URI1: variants seen among roughly 807,000 people sequenced by gnomAD.
URI1 encodes the protein unconventional prefoldin RPB5 interactor 1.
URI1 carries 39 observed loss-of-function variants against 60.2 expected under a neutral mutation model. That is an observed-to-expected ratio of 0.65 (90% CI 0.50 to 0.85). URI1 has a LOEUF of 0.85. Ranked by LOEUF, URI1 falls within the 40% of genes least tolerant of loss-of-function variation. URI1 has a pLI of 0.00. For synonymous variants in URI1, 251 were observed against 236.8 expected, an observed-to-expected ratio of 1.06 and a Z score of -0.55; for missense variants, 691 against 665.9, an observed-to-expected ratio of 1.04 and a Z score of -0.42.
chr19:29,933,079 T>G (rs548405724), intron 1 of URI1, among the ~76,000 whole-genome samples: 2 of 152,374 alleles, frequency 1.3e-5, no homozygotes, highest in African/African-American at 4.8e-5. Context: ...ATTTTTGTGT[T>G]TATGTTCATA....
chr19:29,946,022 G>C (rs748471070), intron 1 of URI1, among the ~76,000 whole-genome samples: 1 of 152,060 alleles, frequency 6.6e-6, no homozygotes, highest in Non-Finnish European at 1.5e-5. Flanking sequence ...CTTCAGAGCT[G>C]ATATATATAA....
intron 2 of URI1, among the ~76,000 whole-genome samples, chr19:29,973,808 T>C (rs2145334075): frequency 6.6e-6 from 1 of 152,278 alleles, no homozygotes; most frequent in South Asian, 2.1e-4. Flanking sequence ...TTCAAGCCTA[T>C]TGGATGAGAA....
intron 2 of URI1, among the ~76,000 whole-genome samples, chr19:29,974,720 T>A (rs1290212988): frequency 6.6e-6 from 1 of 152,188 alleles, no homozygotes; most frequent in East Asian, 1.9e-4. Flanking sequence ...AGGCAGTTAT[T>A]CAGCCCTTGC....
chr19:29,986,217 T>C, intron 3 of URI1, 65 bp from the exon 4 acceptor site: 1 of 1,441,680 alleles, frequency 6.9e-7, no homozygotes, highest in Non-Finnish European at 9.2e-7. Flanking sequence ...ATGCGAAGTG[T>C]TTTATAAAAT....
At chr19:29,933,245 C>T (rs2112390) in intron 1 of URI1, among the ~76,000 whole-genome samples, 121,332 of 152,134 alleles carry the variant, frequency 0.8, 50,025 homozygotes, top group Non-Finnish European at 0.9. Context: ...ACAATCTGTT[C>T]CTGCGCTTTT....
intron 3 of URI1, 116 bp downstream of exon 3, chr19:29,985,417 GGAA>G: frequency 1.3e-6 from 1 of 755,168 alleles, no homozygotes; most frequent in South Asian, 2.7e-5. Flanking sequence ...TATGTAGCAA[GGAA>G]GATTTGTTTT....
At chr19:29,961,115 C>T (rs1292727852) in intron 1 of URI1, among the ~76,000 whole-genome samples, 1 of 152,008 alleles carries the variant, frequency 6.6e-6, no homozygotes, top group Non-Finnish European at 1.5e-5. Context: ...CCTGCCTTGG[C>T]CTCTCAAAGT....
intron 1 of URI1, among the ~76,000 whole-genome samples, chr19:29,926,580 C>T (rs1253728492): frequency 6.6e-6 from 1 of 152,196 alleles, no homozygotes; most frequent in African/African-American, 2.4e-5. Flanking sequence ...CCTCACCCAG[C>T]CTTAGAAATG....
chr19:29,942,184 C>T, upstream of URI1: 1 of 978,306 alleles, frequency 1.0e-6, no homozygotes, highest in Non-Finnish European at 1.2e-6. Flanking sequence ...GCGAGCTGGG[C>T]GTGTCGGGGG....
intron 2 of URI1, among the ~76,000 whole-genome samples, chr19:29,981,094 CTTTT>C (rs35058414): frequency 1.4e-5 from 2 of 145,130 alleles, no homozygotes; most frequent in Admixed American, 1.4e-4. Context: ...AGGATGTAGA[CTTTT>C]TTTTTTTAAT....
chr19:29,956,870 T>A, intron 1 of URI1: 1 of 1,494,408 alleles, frequency 6.7e-7, no homozygotes, highest in Non-Finnish European at 9.3e-7. Context: ...TACGTTGATG[T>A]GATTGAAGTC....
intron 2 of URI1, among the ~76,000 whole-genome samples, chr19:29,979,102 A>G (rs2055561004): frequency 6.6e-6 from 1 of 152,202 alleles, no homozygotes; most frequent in Non-Finnish European, 1.5e-5. Flanking sequence ...CTTTAGAAAG[A>G]AAATATAGAA....
At chr19:29,994,676 C>G (rs1568437443) in intron 4 of URI1, among the ~76,000 whole-genome samples, 2 of 151,896 alleles carry the variant, frequency 1.3e-5, no homozygotes. Context: ...GTGAATAGTG[C>G]TGCTATGAAT....
rs148342810 is a variant in URI1, at chr19:30,005,690, T to A, written c.499T>A (p.Cys167Ser). The part of the protein sequence containing the change: ...DIVDIREEIK[C>S]DFEFKAKHRI... ...TGTTGACATACGAGAAGAAATTAAA[T>A]GTGACTTCGAATTTAAAGGTAAGCA... The change falls in exon 6 of 11, where the codon TGT becomes AGT. Residue 167 changes from cysteine to serine, a missense_variant. Coordinates refer to ENST00000392271, the MANE Select transcript of URI1 (RefSeq NM_003796.3). 1.2e-6 allele frequency: 2 copies of A among 1,612,046 alleles called. No individual in the cohort carries two copies. The highest frequency in any genetic ancestry group is 1.7e-5 in the Admixed American group (1 of 59,730).
intron 6 of URI1, among the ~76,000 whole-genome samples, chr19:30,006,046 A>C (rs1339223060): frequency 1.3e-5 from 2 of 152,088 alleles, no homozygotes; most frequent in African/African-American, 2.4e-5. Context: ...GTGAAGTCCT[A>C]AGATATCTTT....
Position 29,992,848 on chromosome 19 carries a change from C to T in URI1, c.367+6431C>T, listed in dbSNP as rs73924144. ...GTCTCTGTAATCTACTTTTGAACAC[C>T]GGTATATAGAATGACTTGAAATTCT... On this transcript the variant is annotated intron_variant, in intron 4 of 10. Coordinates refer to ENST00000392271, the MANE Select transcript of URI1 (RefSeq NM_003796.3). 9.5e-3 allele frequency among the ~76,000 whole-genome samples: 1,442 copies of T among 152,140 alleles called. 28 individuals are homozygous for T. The highest frequency in any genetic ancestry group is 0.031 in the African/African-American group (1,307 of 41,498).
At chr19:29,970,716 C>A (rs530060856) in intron 1 of URI1, among the ~76,000 whole-genome samples, 2 of 151,720 alleles carry the variant, frequency 1.3e-5, no homozygotes, top group African/African-American at 4.8e-5. Context: ...TTTTTTAATG[C>A]GTCAGAATAA....
chr19:29,955,138 A>G (rs1245406039), intron 1 of URI1, among the ~76,000 whole-genome samples: 1 of 134,180 alleles, frequency 7.5e-6, no homozygotes. Context: ...TTTTTTTTTT[A>G]ATTTTTTAGT....
intron 4 of URI1, among the ~76,000 whole-genome samples, chr19:30,003,263 G>C (rs564428167): frequency 2.0e-5 from 3 of 151,876 alleles, no homozygotes; most frequent in Non-Finnish European, 4.4e-5. Context: ...CGGTTGCCCA[G>C]CTTTCTTTTG....
Sources: allele counts gnomAD v4.1 joint callset (sites outside exome capture counted in the v4.1 genomes callset), GRCh38; gene constraint gnomAD v4.1.1; transcripts MANE v1.5; gene names NCBI Gene and HGNC (gene_info 2026-07-23, HGNC 2026-07-21).